The following CIAO2A variants were observed in gnomAD, a reference collection of about 807,000 sequenced individuals.
CIAO2A encodes MIP18 family protein FAM96A.
Under a neutral mutation model 22.4 loss-of-function variants are expected in CIAO2A, and 17 were observed. The ratio of observed to expected loss-of-function variants is 0.76; its 90% CI spans 0.52 to 1.14. The LOEUF is 1.14. Among genes scored for constraint, CIAO2A ranks in the 50% most tolerant of loss-of-function variants. CIAO2A has a pLI of 0.00. For missense variants in CIAO2A, 192 were observed against 191.4 expected, an observed-to-expected ratio of 1.00 and a Z score of -0.02; for synonymous variants, 74 against 72.3, an observed-to-expected ratio of 1.02 and a Z score of -0.12.
rs534543980 is a variant in CIAO2A at position 64,077,863 on chromosome 15, T to C, written c.340-2326A>G. ...TGCTGTAGATGAGATGACAGTACTG[T>C]ATCAATGTCCTGGTTTAGAAATTTA... On this transcript the variant is annotated intron_variant, in intron 3 of 4. Transcript: ENST00000300030. Among the ~76,000 whole-genome samples the C allele has an allele frequency of 9.8e-5, 15 of 152,344 alleles. No individual in the cohort carries two copies. The South Asian group carries it at 3.1e-3, about 32-fold the overall frequency.
At chr15:64,085,242 T>G (rs2080784858) in intron 2 of CIAO2A, among the ~76,000 whole-genome samples, 1 of 152,112 alleles carries the variant, frequency 6.6e-6, no homozygotes, top group African/African-American at 2.4e-5. Context: ...AATTAAAGAA[T>G]ATTTAATGAT....
intron 3 of CIAO2A, among the ~76,000 whole-genome samples, chr15:64,076,506 C>T (rs1171946487): frequency 1.1e-4 from 17 of 152,122 alleles, no homozygotes; most frequent in Admixed American, 1.0e-3. Context: ...GAGCTACCCT[C>T]CAAGACCCAG....
rs547198909 is a variant in CIAO2A at position 64,082,431 on chromosome 15, T to G, written c.290-1280A>C. On this transcript the variant is annotated intron_variant, in intron 2 of 4. Transcript: ENST00000300030. ...TTAGTAGAGACAAGGTTTCATCATG[T>G]TGGCCAGGCTGGTCTTGAACTTCTG... Among the ~76,000 whole-genome samples the G allele has an allele frequency of 5.9e-5, 9 of 152,304 alleles. No individual in the cohort carries two copies. The East Asian group carries it at 1.7e-3, about 29-fold the overall frequency.
chr15:64,079,278 T>C lies in CIAO2A; in HGVS notation c.339+1824A>G, dbSNP rs572138611. Among the ~76,000 whole-genome samples the C allele has an allele frequency of 5.3e-5, 8 of 152,072 alleles. No individual in the cohort carries two copies. The South Asian group carries it at 1.7e-3, about 31-fold the overall frequency. ...GGATTTGGCCAGGCCCAGTGGTTCA[T>C]GCCTATAATCCCAACACTTTGAGAG... On this transcript the variant is annotated intron_variant, in intron 3 of 4. Transcript: ENST00000300030.
chr15:64,078,403 G>A (rs1007050921), intron 3 of CIAO2A, among the ~76,000 whole-genome samples: 3 of 152,190 alleles, frequency 2.0e-5, no homozygotes, highest in African/African-American at 2.4e-5. Flanking sequence ...GGGAGGCTAA[G>A]GCGGGTGTAT....
intron 4 of CIAO2A, 197 bp downstream of exon 4, chr15:64,075,295 T>C (rs549043924): frequency 8.9e-5 from 44 of 492,024 alleles, no homozygotes; most frequent in Non-Finnish European, 1.4e-4. Flanking sequence ...CCGTGGGCTC[T>C]AGTGCACTCG....
In CIAO2A at chr15:64,093,789, G is replaced by A. The variant is rs1309416457; in HGVS notation, c.-21C>T. 23 of 1,607,818 alleles carry A rather than the reference G, an allele frequency of 1.4e-5. No homozygotes were observed. Among genetic ancestry groups the A allele is most frequent in the Non-Finnish European group, 2.0e-5 (23 of 1,175,374 alleles). ...TGCATCTTCACGCTCAGCCATCCCT[G>A]GCGACTGTCCCAATCGCGCCACCGT... On this transcript the variant is annotated 5_prime_UTR_variant, in exon 1 of 5. Transcript: ENST00000300030.
intron 1 of CIAO2A, among the ~76,000 whole-genome samples, chr15:64,092,776 T>A (rs2080850959): frequency 6.6e-6 from 1 of 152,216 alleles, no homozygotes; most frequent in Admixed American, 6.5e-5. Context: ...TTACTTGAAT[T>A]ATATTTGTAT....
At chr15:64,087,359 G>A (rs1405607409) in intron 2 of CIAO2A, among the ~76,000 whole-genome samples, 11 of 152,044 alleles carry the variant, frequency 7.2e-5, no homozygotes, top group Admixed American at 7.2e-4. Context: ...CTAAAGTGCT[G>A]GGATTACAGG....
At chr15:64,073,858 C>A (rs954341631) in intron 4 of CIAO2A, 1 of 152,200 alleles carries the variant, frequency 6.6e-6, no homozygotes, top group Non-Finnish European at 1.5e-5. Flanking sequence ...TCGCCTTGGC[C>A]TCCCAAAGTG....
intron 2 of CIAO2A, among the ~76,000 whole-genome samples, chr15:64,082,640 G>A (rs1262084827): frequency 6.6e-6 from 1 of 152,128 alleles, no homozygotes; most frequent in African/African-American, 2.4e-5. Flanking sequence ...AAGCATATCT[G>A]GGAGAGTTCC....
chr15:64,081,535 C>T (rs4776827), intron 2 of CIAO2A, among the ~76,000 whole-genome samples: 11,831 of 37,004 alleles, frequency 0.32, 1,241 homozygotes, highest in Non-Finnish European at 0.38. Flanking sequence ...CTCATTAAGC[C>T]TTTTTTTTTT....
intron 2 of CIAO2A, among the ~76,000 whole-genome samples, chr15:64,087,834 C>T (rs536819200): frequency 2.2e-4 from 33 of 152,288 alleles, no homozygotes; most frequent in African/African-American, 7.9e-4. Flanking sequence ...CTATTACCCG[C>T]TAACACCCTT....
At chr15:64,077,712 G>A (rs1031538321) in intron 3 of CIAO2A, among the ~76,000 whole-genome samples, 3 of 152,144 alleles carry the variant, frequency 2.0e-5, no homozygotes, top group African/African-American at 4.8e-5. Context: ...ATGAAATAAA[G>A]GCTAAGGAAC....
At chr15:64,075,231 C>A (rs1595950948) in intron 4 of CIAO2A, 2 of 300,620 alleles carry the variant, frequency 6.7e-6, no homozygotes, top group East Asian at 1.2e-4. Flanking sequence ...TCAAGGTCCC[C>A]AGCACTGGAT....
intron 2 of CIAO2A, among the ~76,000 whole-genome samples, chr15:64,085,036 G>GC (rs71133406): frequency 2.0e-5 from 3 of 150,772 alleles, no homozygotes; most frequent in Non-Finnish European, 1.5e-5. Flanking sequence ...AAGCTCCAGT[G>GC]GCCACTACAC....
chr15:64,089,835 G>A (rs911113027), intron 1 of CIAO2A, among the ~76,000 whole-genome samples: 1 of 152,214 alleles, frequency 6.6e-6, no homozygotes, highest in African/African-American at 2.4e-5. Context: ...GAACGAGGAA[G>A]AAATTTGGGT....
intron 2 of CIAO2A, among the ~76,000 whole-genome samples, chr15:64,087,338 G>A (rs555213945): frequency 7.2e-5 from 11 of 151,984 alleles, no homozygotes; most frequent in South Asian, 2.1e-4. Flanking sequence ...TGATCTGCCC[G>A]CCTCGGCCAC....
chr15:64,083,925 A>G (rs2140111394), intron 2 of CIAO2A, among the ~76,000 whole-genome samples: 1 of 152,228 alleles, frequency 6.6e-6, no homozygotes, highest in East Asian at 1.9e-4. Flanking sequence ...CCTGGGCAAC[A>G]GAGCAAGACT....
Sources: allele counts gnomAD v4.1 joint callset (sites outside exome capture counted in the v4.1 genomes callset), GRCh38; gene constraint gnomAD v4.1.1; transcripts MANE v1.5; gene names NCBI Gene and HGNC (gene_info 2026-07-23, HGNC 2026-07-21).